The following PRR16 variants were observed in gnomAD, a reference collection of about 807,000 sequenced individuals.
The protein encoded by PRR16 is protein Largen.
A neutral mutation model predicts 18.2 loss-of-function variants in PRR16; 6 were observed. That is an observed-to-expected ratio of 0.33 (90% confidence interval 0.18 to 0.65). The LOEUF is 0.65. PRR16 is among the 30% of genes least tolerant of loss of function. The pLI, the probability that PRR16 is intolerant of heterozygous loss-of-function variation, is 0.74. For missense variants in PRR16, 412 were observed against 376.6 expected, an observed-to-expected ratio of 1.09 and a Z score of -0.78; for synonymous variants, 151 against 147.8, an observed-to-expected ratio of 1.02 and a Z score of -0.16.
the PRR16 span, among the ~76,000 whole-genome samples, chr5:120,699,542 A>G: frequency 1.1e-4 from 16 of 152,220 alleles, no homozygotes; most frequent in African/African-American, 3.6e-4. Context: ...TGAAGGAGCC[A>G]GGAAGCAGAA....
At chr5:120,652,737 G>A (rs985860067) in intron 1 of PRR16, among the ~76,000 whole-genome samples, 1 of 151,964 alleles carries the variant, frequency 6.6e-6, no homozygotes, top group African/African-American at 2.4e-5. Flanking sequence ...TCTTCAATGG[G>A]ATCGTGCAAC....
At chr5:120,620,285 T>C (rs1754646766) in intron 1 of PRR16, among the ~76,000 whole-genome samples, 1 of 152,172 alleles carries the variant, frequency 6.6e-6, no homozygotes, top group Admixed American at 6.6e-5. Context: ...TATGGAGCAT[T>C]GTAACACCAA....
rs535802661 is a variant in PRR16, at chr5:120,551,054, A to T, written c.159+86409A>T. ...TTAACTTTGTGTGTGTGTGATGAGA[A>T]TATGGAAAATCTACTCTCTTAAAAA... On this transcript the variant is annotated intron_variant, in intron 1 of 1. Transcript: ENST00000407149. 4.0e-5 allele frequency among the ~76,000 whole-genome samples: 6 copies of T among 151,576 alleles called. No homozygotes were observed. The South Asian group carries it at 1.2e-3, about 32-fold the overall frequency.
the PRR16 span, among the ~76,000 whole-genome samples, chr5:120,701,454 A>G: frequency 1.3e-5 from 2 of 152,230 alleles, no homozygotes; most frequent in Non-Finnish European, 2.9e-5. Context: ...AAAAAGGAGC[A>G]TTAACCTTGA....
At chr5:120,793,000 A>C in the PRR16 span, among the ~76,000 whole-genome samples, 1 of 148,996 alleles carries the variant, frequency 6.7e-6, no homozygotes, top group Non-Finnish European at 1.5e-5. Context: ...AAAAAATAAA[A>C]AATTAGGTGG....
At chr5:120,490,241 G>A (rs1416752137) in intron 1 of PRR16, among the ~76,000 whole-genome samples, 6 of 152,162 alleles carry the variant, frequency 3.9e-5, no homozygotes, top group Admixed American at 3.9e-4. Context: ...ATATCCTGCA[G>A]AGTGTTTTCC....
chr5:120,486,335 T>A (rs1021676928), intron 1 of PRR16, among the ~76,000 whole-genome samples: 9 of 151,630 alleles, frequency 5.9e-5, no homozygotes, highest in Non-Finnish European at 1.0e-4. Context: ...TTTTAATGAT[T>A]GCCATTCTAA....
At chr5:120,573,071 C>T (rs939495375) in intron 1 of PRR16, among the ~76,000 whole-genome samples, 2 of 152,092 alleles carry the variant, frequency 1.3e-5, no homozygotes, top group Admixed American at 1.3e-4. Flanking sequence ...CAAAATGAAA[C>T]ACCAATATTC....
chr5:120,551,499 C>G (rs529319458), intron 1 of PRR16, among the ~76,000 whole-genome samples: 3 of 152,084 alleles, frequency 2.0e-5, no homozygotes, highest in Non-Finnish European at 4.4e-5. Context: ...AGTTGTTGTT[C>G]TCTTAGCATA....
At chr5:120,677,527 C>T (rs941579482) in intron 1 of PRR16, among the ~76,000 whole-genome samples, 1 of 152,260 alleles carries the variant, frequency 6.6e-6, no homozygotes, top group South Asian at 2.1e-4. Context: ...CTTTTCAGTT[C>T]TTTGCTGATA....
the PRR16 span, among the ~76,000 whole-genome samples, chr5:120,753,231 G>T: frequency 6.6e-6 from 1 of 151,940 alleles, no homozygotes; most frequent in East Asian, 1.9e-4. Flanking sequence ...GGAGCGGAGC[G>T]AATAAGAAAT....
intron 1 of PRR16, among the ~76,000 whole-genome samples, chr5:120,591,702 C>G (rs1185174667): frequency 2.0e-5 from 3 of 152,062 alleles, no homozygotes; most frequent in African/African-American, 7.2e-5. Context: ...GAACTAACCT[C>G]ATAGCCTGTG....
intron 1 of PRR16, among the ~76,000 whole-genome samples, chr5:120,542,016 A>G (rs1162738556): frequency 2.0e-5 from 3 of 152,012 alleles, no homozygotes; most frequent in East Asian, 1.9e-4. Context: ...GTTGAAACCA[A>G]ATGATTGACA....
the PRR16 span, among the ~76,000 whole-genome samples, chr5:120,695,038 T>A: frequency 6.6e-6 from 1 of 152,240 alleles, no homozygotes; most frequent in African/African-American, 2.4e-5. Flanking sequence ...ACTGGAGTCC[T>A]ATGGTTACAG....
downstream of PRR16, among the ~76,000 whole-genome samples, chr5:120,690,280 T>C (rs1757193429): frequency 6.6e-6 from 1 of 152,162 alleles, no homozygotes; most frequent in African/African-American, 2.4e-5. Context: ...GAAGAAAATC[T>C]GCGTAGTTCT....
the PRR16 span, among the ~76,000 whole-genome samples, chr5:120,710,122 T>A: frequency 6.6e-6 from 1 of 152,190 alleles, no homozygotes; most frequent in Non-Finnish European, 1.5e-5. Flanking sequence ...TTTTTCCGTA[T>A]CCTTGCCAGC....
At chr5:120,718,014 A>G in the PRR16 span, among the ~76,000 whole-genome samples, 4 of 152,134 alleles carry the variant, frequency 2.6e-5, no homozygotes, top group Non-Finnish European at 5.9e-5. Flanking sequence ...AATACAAAAG[A>G]TAAAAGCCTT....
the PRR16 span, among the ~76,000 whole-genome samples, chr5:120,730,386 T>A: frequency 6.6e-6 from 1 of 152,146 alleles, no homozygotes; most frequent in Non-Finnish European, 1.5e-5. Context: ...ACTTGTGGAA[T>A]ATCCAGAAAT....
In PRR16 at chr5:120,464,799, G is replaced by T. The variant is rs1749021673; in HGVS notation, c.159+154G>T. Among the ~76,000 whole-genome samples, 3 of 152,120 alleles carry T rather than the reference G, an allele frequency of 2.0e-5. No homozygotes were observed. The South Asian group carries it at 6.2e-4, about 32-fold the overall frequency. Reference sequence around the variant, plus strand: ...GGACTTTCTTTGCTCCTGGAGTCCTGAGAGGAGTTGTTGTTGCACTTTTTA... The same window carrying T: ...GGACTTTCTTTGCTCCTGGAGTCCTTAGAGGAGTTGTTGTTGCACTTTTTA... On this transcript the variant is annotated intron_variant, in intron 1 of 1. Coordinates refer to ENST00000407149, the MANE Select transcript of PRR16 (RefSeq NM_001300783.2).
Sources: allele counts gnomAD v4.1 joint callset (sites outside exome capture counted in the v4.1 genomes callset), GRCh38; gene constraint gnomAD v4.1.1; transcripts MANE v1.5; gene names NCBI Gene and HGNC (gene_info 2026-07-23, HGNC 2026-07-21).